LINGO1: variants seen among roughly 807,000 people sequenced by gnomAD.
LINGO1 encodes the protein leucine rich repeat and Ig domain containing 1.
Under a neutral mutation model 37.3 loss-of-function variants are expected in LINGO1, and 11 were observed. That is an observed-to-expected ratio of 0.29 (90% CI 0.19 to 0.49). The LOEUF is 0.49. LINGO1 is among the 20% of genes least tolerant of loss of function. LINGO1 has a pLI of 0.99. For synonymous variants in LINGO1, 387 were observed against 403.0 expected (o/e 0.96, Z 0.48); for missense variants, 585 against 878.2 (o/e 0.67, Z 4.22).
chr15:77,662,095 T>C (rs1350061875), intron 3 of LINGO1, among the ~76,000 whole-genome samples: 3 of 152,136 alleles, frequency 2.0e-5, no homozygotes, highest in Non-Finnish European at 4.4e-5. Flanking sequence ...GCTGACAGAT[T>C]GAATTAGACC....
chr15:77,747,635 C>G (rs28537849), intron 1 of LINGO1, among the ~76,000 whole-genome samples: 77,604 of 152,014 alleles, frequency 0.51, 19,885 homozygotes, highest in Admixed American at 0.56. Context: ...GCCTGCAAGA[C>G]AGCAGCGTGA....
chr15:77,632,356 G>T lies in LINGO1; in HGVS notation c.-41C>A, dbSNP rs906600201. The stretch of plus-strand genomic sequence containing the variant: ...GGTCCGCTCGGCTCGGTCACCAATC[G>T]CATGTCTCTCCAGCCGGCCCGACCA... On this transcript the variant is annotated 5_prime_UTR_variant, in exon 1 of 2. Coordinates refer to ENST00000355300, the MANE Select transcript of LINGO1 (RefSeq NM_032808.7). This position sits in a 1 kb window ranked among gnomAD's most constrained non-coding sequence, Gnocchi z 6.0. 9.9e-6 allele frequency: 14 copies of T among 1,410,732 alleles called. No individual in the cohort carries two copies. The African/African-American group carries it at 1.8e-4, about 18-fold the overall frequency. The allele number at this position is 1,410,732 out of a possible 1,614,324, so 87.4% of individuals were successfully genotyped here.
chr15:77,783,270 AGCAGTGT>A (rs2076738757), intron 1 of LINGO1, among the ~76,000 whole-genome samples: 1 of 152,124 alleles, frequency 6.6e-6, no homozygotes, highest in Admixed American at 6.5e-5. Context: ...TGAGGGGAGG[AGCAGTGT>A]GCATAACGTT....
chr15:77,646,024 T>A (rs866363153), intron 3 of LINGO1, among the ~76,000 whole-genome samples: 8 of 152,142 alleles, frequency 5.3e-5, no homozygotes, highest in African/African-American at 1.4e-4. Context: ...GCAGGGATGG[T>A]GTCTGCCTCA....
chr15:77,665,205 TCTC>T (rs2075104023), intron 3 of LINGO1, among the ~76,000 whole-genome samples: 1 of 152,170 alleles, frequency 6.6e-6, no homozygotes, highest in Non-Finnish European at 1.5e-5. Flanking sequence ...AGGCAAGCCC[TCTC>T]CTCTGCCAGC....
chr15:77,659,746 G>A lies in LINGO1; in HGVS notation c.-13+17343C>T, dbSNP rs150622033. Among the ~76,000 whole-genome samples, 34 of 152,186 alleles carry A rather than the reference G, an allele frequency of 2.2e-4. 1 individual carries two copies. Among genetic ancestry groups the A allele is most frequent in the Admixed American group, 7.2e-4 (11 of 15,296 alleles). ...GGCTGGATGGGATGGACCATGGGGC[G>A]TGCCACCTGGCCAGCTGGCAGATTT... is the stretch of plus-strand genomic sequence containing the variant. On this transcript the variant is annotated intron_variant, in intron 3 of 3. Transcript: ENST00000559893.
At chr15:77,731,553 A>G (rs1208785918) in intron 2 of LINGO1, among the ~76,000 whole-genome samples, 1 of 152,102 alleles carries the variant, frequency 6.6e-6, no homozygotes, top group Admixed American at 6.5e-5. Context: ...AACAGGGATC[A>G]TGGCTTCCCT....
rs116014084 is a variant in LINGO1 at position 77,625,892 on chromosome 15, C to T, written c.6+6418G>A. Among the ~76,000 whole-genome samples the T allele has an allele frequency of 3.6e-3, 543 of 152,226 alleles. 1 individual carries two copies. Among genetic ancestry groups the T allele is most frequent in the African/African-American group, 8.8e-3 (367 of 41,508 alleles). On this transcript the variant is annotated intron_variant, in intron 1 of 1. Transcript: ENST00000355300. ...TTCACACTGCCCTCACTGCTGGGGG[C>T]GGAGAGTTCAGGGAGAGGGAAGGGA...
At chr15:77,815,114 C>G (rs939586093) in intron 1 of LINGO1, among the ~76,000 whole-genome samples, 2 of 152,254 alleles carry the variant, frequency 1.3e-5, no homozygotes, top group Non-Finnish European at 2.9e-5. Context: ...CGCCCTGACC[C>G]TGGTGGCTAG....
intron 2 of LINGO1, among the ~76,000 whole-genome samples, chr15:77,729,314 C>T (rs1004028750): frequency 2.0e-5 from 3 of 152,186 alleles, no homozygotes; most frequent in South Asian, 2.1e-4. Context: ...TGCAGGGAGG[C>T]GCAGCTGATT....
intron 1 of LINGO1, among the ~76,000 whole-genome samples, chr15:77,782,387 A>G (rs985891594): frequency 6.6e-6 from 1 of 152,226 alleles, no homozygotes; most frequent in Non-Finnish European, 1.5e-5. Flanking sequence ...GGCCACGTGC[A>G]GTCTAAAGAC....
intron 3 of LINGO1, among the ~76,000 whole-genome samples, chr15:77,653,871 A>G (rs2074814969): frequency 6.6e-6 from 1 of 152,198 alleles, no homozygotes; most frequent in African/African-American, 2.4e-5. Context: ...CCAAGCTCCC[A>G]TTCCCTTCAG....
At chr15:77,647,195 A>C (rs905744063) in intron 3 of LINGO1, among the ~76,000 whole-genome samples, 2 of 152,020 alleles carry the variant, frequency 1.3e-5, no homozygotes, top group Non-Finnish European at 2.9e-5. Context: ...CACTGGTGGA[A>C]GTCTAGGGAT....
intron 1 of LINGO1, among the ~76,000 whole-genome samples, chr15:77,624,163 C>CTGTGTG (rs56162459): frequency 2.7e-4 from 35 of 131,872 alleles, no homozygotes; most frequent in African/African-American, 8.1e-4. Context: ...TGAGTGGCCT[C>CTGTGTG]TGTGTGTGTG....
chr15:77,780,861 G>A (rs148546375), intron 1 of LINGO1, among the ~76,000 whole-genome samples: 85 of 151,638 alleles, frequency 5.6e-4, no homozygotes, highest in African/African-American at 2.1e-3. Flanking sequence ...CGACCATGCC[G>A]GCACCCTGAT....
intron 2 of LINGO1, among the ~76,000 whole-genome samples, chr15:77,723,919 A>G (rs1414354568): frequency 6.6e-6 from 1 of 152,194 alleles, no homozygotes; most frequent in East Asian, 1.9e-4. Context: ...CAGATCTCTC[A>G]GGCTCAGCTC....
chr15:77,817,664 G>A (rs1471912478), intron 1 of LINGO1, among the ~76,000 whole-genome samples: 1 of 152,178 alleles, frequency 6.6e-6, no homozygotes, highest in Non-Finnish European at 1.5e-5. Context: ...CGCCAGCCCA[G>A]TAAACGTGCC....
At chr15:77,770,061 G>T (rs2076569037) in intron 1 of LINGO1, among the ~76,000 whole-genome samples, 1 of 152,164 alleles carries the variant, frequency 6.6e-6, no homozygotes, top group South Asian at 2.1e-4. Context: ...GGGATAGAAA[G>T]ACATAACTTG....
chr15:77,646,334 TC>T (rs1361263300), intron 3 of LINGO1: 2 of 387,740 alleles, frequency 5.2e-6, no homozygotes, highest in Non-Finnish European at 5.2e-6. Context: ...TGGAGGCGCC[TC>T]CCCAGGATGG....
Sources: gnomAD v4.1 joint callset for allele counts (sites outside exome capture counted in the v4.1 genomes callset) on GRCh38, gnomAD v4.1.1 for gene constraint, Gnocchi (gnomAD v3.1) non-coding constraint, MANE v1.5 for transcripts, NCBI Gene and HGNC (gene_info 2026-07-23, HGNC 2026-07-21) for gene names.